NSMAF: variants seen among roughly 807,000 people sequenced by gnomAD.
The protein encoded by NSMAF is neutral sphingomyelinase activation associated factor.
Under a neutral mutation model 134.9 loss-of-function variants are expected in NSMAF, and 90 were observed. The ratio of observed to expected loss-of-function variants is 0.67; its 90% CI spans 0.56 to 0.79. The LOEUF (loss-of-function observed/expected upper bound fraction) is 0.79, where lower values mean the gene tolerates loss of function less well. NSMAF is among the 30% of genes least tolerant of loss of function. NSMAF has a pLI of 0.00. For synonymous variants in NSMAF, 358 were observed against 389.6 expected, an observed-to-expected ratio of 0.92 and a Z score of 0.96; for missense variants, 1,010 against 1,119.0, an observed-to-expected ratio of 0.90 and a Z score of 1.39.
At position 58,659,645 on chromosome 8, in the gene NSMAF, G is replaced by T. The variant is rs753953836; in HGVS notation, c.-14C>A. The T allele has an allele frequency of 1.4e-6, 2 of 1,425,680 alleles. No individual in the cohort carries two copies. The highest frequency in any genetic ancestry group is 1.8e-6 in the Non-Finnish European group (2 of 1,090,590). The allele number at this position is 1,425,680 out of a possible 1,614,324, so 88.3% of individuals were successfully genotyped here. On this transcript the variant is annotated 5_prime_UTR_variant, in exon 1 of 31. Transcript: ENST00000038176. ...GATAAACGCCATGGAGGGTAGGCGC[G>T]GGCGGGCGCAGAGCGCACAGGCAGG...
chr8:58,616,754 G>A (rs1806662996), intron 9 of NSMAF, among the ~76,000 whole-genome samples: 1 of 152,004 alleles, frequency 6.6e-6, no homozygotes, highest in Non-Finnish European at 1.5e-5. Flanking sequence ...GCAAGAAATA[G>A]AAAATAAAAG....
rs35209612 is a variant in NSMAF, at chr8:58,600,621, CAAAAAAAAA to C, written c.1281-609_1281-601del. Reference sequence around the variant, plus strand: ...TGGGCGACAGAGCAAGACTCTGTCTCAAAAAAAAAAAAAAAAAAAAAAAAAGATTAGCAC... The same window carrying C: ...TGGGCGACAGAGCAAGACTCTGTCTCAAAAAAAAAAAAAAAAGATTAGCAC... On this transcript the variant is annotated intron_variant, in intron 16 of 30. Transcript: ENST00000038176. 1.1e-3 allele frequency among the ~76,000 whole-genome samples: 50 copies of C among 44,694 alleles called. 1 individual carries two copies. Among genetic ancestry groups the C allele is most frequent in the Admixed American group, 9.4e-3 (35 of 3,704 alleles). 29.3% of individuals were successfully genotyped at this position (44,694 alleles called of 152,430 possible).
intron 10 of NSMAF, among the ~76,000 whole-genome samples, chr8:58,608,448 C>T (rs1481757940): frequency 1.3e-5 from 2 of 152,208 alleles, no homozygotes; most frequent in Non-Finnish European, 1.5e-5. Context: ...GCTATGCTTC[C>T]GTGGTCCTCC....
At chr8:58,586,099 A>G (rs1563521459) in intron 28 of NSMAF, 99 bp from the exon 29 acceptor site, 2 of 928,776 alleles carry the variant, frequency 2.2e-6, no homozygotes, top group African/African-American at 1.6e-5. Context: ...TAATCTCCAC[A>G]TTCGTTTTCT....
chr8:58,584,182 C>T lies in NSMAF; in HGVS notation c.2678G>A (p.Trp893Ter). 1 of 1,613,406 alleles carries T rather than the reference C, an allele frequency of 6.2e-7. No individual in the cohort carries two copies. The highest frequency in any genetic ancestry group is 8.5e-7 in the Non-Finnish European group (1 of 1,179,516). ...GATACTGCTACACTGTTCATTCATC[C>T]ATATACATGTCACAGCACCTGAGAG... ...QGHTGAVTCI[W>*]MNEQCSSIIT... is the part of the protein sequence containing the mutation. The change falls in exon 31 of 31, where the codon TGG becomes TAG. Residue 893 changes from tryptophan (W) to a stop codon, truncating the protein, a stop_gained. Transcript: ENST00000038176. LOFTEE classifies it high-confidence loss of function.
intron 1 of NSMAF, among the ~76,000 whole-genome samples, chr8:58,646,678 T>G (rs1807461483): frequency 6.6e-6 from 1 of 152,160 alleles, no homozygotes; most frequent in Admixed American, 6.5e-5. Context: ...TATAATTAAG[T>G]TGCATGATTT....
chr8:58,651,758 G>C (rs762679329), intron 1 of NSMAF, among the ~76,000 whole-genome samples: 1 of 152,178 alleles, frequency 6.6e-6, no homozygotes, highest in Non-Finnish European at 1.5e-5. Context: ...GTTATCTAGC[G>C]CAGCGCTTCA....
In NSMAF at chr8:58,590,883, A is replaced by T. The variant is rs760831894; in HGVS notation, c.2003T>A (p.Ile668Lys). 3 of 1,562,316 alleles carry T rather than the reference A, an allele frequency of 1.9e-6. No individual in the cohort carries two copies. The highest frequency in any genetic ancestry group is 1.8e-6 in the Non-Finnish European group (2 of 1,140,768). ...SKESKMLQRS[I>K]SFSNMALSSC... ...TGAACTCACCATATTTGAAAATGAT[A>T]TACTTCTTTGTAGCATTTTTGATTC... Residue 668 changes from isoleucine to lysine, a missense_variant, in exon 24 of 31, where the codon ATA (isoleucine) becomes AAA (lysine). Transcript: ENST00000038176.
intron 23 of NSMAF, among the ~76,000 whole-genome samples, chr8:58,591,623 A>AT (rs1806025841): frequency 6.6e-6 from 1 of 150,646 alleles, no homozygotes; most frequent in Non-Finnish European, 1.5e-5. Context: ...AATAGCTGGG[A>AT]TTTTTTGACG....
chr8:58,651,173 C>T (rs1807573825), intron 1 of NSMAF, among the ~76,000 whole-genome samples: 1 of 152,198 alleles, frequency 6.6e-6, no homozygotes, highest in African/African-American at 2.4e-5. Flanking sequence ...TCCAGTGACA[C>T]CTAAAACACA....
intron 1 of NSMAF, among the ~76,000 whole-genome samples, chr8:58,652,922 G>A (rs76620947): frequency 0.031 from 4,756 of 152,262 alleles, 228 homozygotes; most frequent in African/African-American, 0.096. Context: ...AAATAATTCC[G>A]TAACGAGGAT....
chr8:58,599,101 A>G (rs1400196550), intron 19 of NSMAF, 131 bp downstream of exon 19: 2 of 845,760 alleles, frequency 2.4e-6, no homozygotes, highest in Non-Finnish European at 3.7e-6. Flanking sequence ...ACATGCTTCC[A>G]CTGAAGAAAT....
intron 23 of NSMAF, among the ~76,000 whole-genome samples, chr8:58,592,332 T>C (rs912557326): frequency 6.6e-6 from 1 of 151,544 alleles, no homozygotes; most frequent in African/African-American, 2.4e-5. Flanking sequence ...AAAAAGAAAA[T>C]AATAAAAGAA....
chr8:58,638,395 G>A (rs768880828), intron 2 of NSMAF, among the ~76,000 whole-genome samples: 11 of 152,196 alleles, frequency 7.2e-5, no homozygotes, highest in South Asian at 4.1e-4. Context: ...AAACTACCTG[G>A]TTTCAAAATA....
intron 2 of NSMAF, among the ~76,000 whole-genome samples, chr8:58,635,880 T>C (rs1302595598): frequency 6.6e-6 from 1 of 152,196 alleles, no homozygotes. Flanking sequence ...AGACTGAGAA[T>C]GCCTACACTC....
In NSMAF at chr8:58,659,589, G is replaced by C. The variant is rs148456704; in HGVS notation, c.43C>G (p.Leu15Val). Residue 15 changes from leucine (L) to valine (V), a missense_variant, in exon 1 of 31, where the codon CTC (leucine) becomes GTC (valine). Leu to Val is a conservative substitution (Grantham distance 32, BLOSUM62 1). Coordinates refer to ENST00000038176, the MANE Select transcript of NSMAF (RefSeq NM_003580.4). ...GGCGCGCACCTCTCCTTGGAGTAGA[G>C]CTGCAGCTGCTGCTCCTGCTGCTTC... ...RKKQQEQQLQLYSKERFSLLL... is the reference protein window; with the variant it reads ...RKKQQEQQLQVYSKERFSLLL... 3.1e-4 allele frequency: 467 copies of C among 1,503,286 alleles called. 3 individuals carry two copies. The East Asian group carries it at 0.012, about 40-fold the overall frequency. 93.1% of individuals were successfully genotyped at this position (1,503,286 alleles called of 1,614,324 possible).
chr8:58,585,844 T>C (rs752668243), intron 29 of NSMAF, 54 bp downstream of exon 29: 19 of 1,579,182 alleles, frequency 1.2e-5, no homozygotes, highest in Non-Finnish European at 1.7e-5. Context: ...CCAAATGAAG[T>C]GATCATGAAC....
rs963885334 is a variant in NSMAF, at chr8:58,588,422, T to C, written c.2212-721A>G. 1.6e-5 allele frequency: 20 copies of C among 1,232,580 alleles called. 2 individuals are homozygous for C. The highest frequency in any genetic ancestry group is 8.6e-5 in the South Asian group (7 of 81,344). The allele number at this position is 1,232,580 out of a possible 1,614,324, so 76.4% of individuals were successfully genotyped here. A position where few individuals can be genotyped will look rare whatever the true frequency, so the allele number is the denominator to read the frequency against. On this transcript the variant is annotated intron_variant, in intron 26 of 30. Coordinates refer to ENST00000038176, the MANE Select transcript of NSMAF (RefSeq NM_003580.4). ...GTCTTTAAGAACTCAGCTCCTTACA[T>C]GGGCTTTGGTGGGGGACGTGGGGCA...
At chr8:58,659,115 C>G in intron 1 of NSMAF, 4 of 1,234,982 alleles carry the variant, frequency 3.2e-6, no homozygotes, top group Non-Finnish European at 4.2e-6. Flanking sequence ...GCGACCAACT[C>G]TGCGGCGCCG....
Sources: gnomAD v4.1 joint callset for allele counts (sites outside exome capture counted in the v4.1 genomes callset) on GRCh38, gnomAD v4.1.1 for gene constraint, MANE v1.5 for transcripts, NCBI Gene and HGNC (gene_info 2026-07-23, HGNC 2026-07-21) for gene names.